NDEL1: variants seen among roughly 807,000 people sequenced by gnomAD.
The protein encoded by NDEL1 is nudE neurodevelopment protein 1 like 1.
NDEL1 carries 9 observed loss-of-function variants against 45.7 expected under a neutral mutation model. The ratio of observed to expected loss-of-function variants is 0.20; its 90% CI spans 0.12 to 0.34. The LOEUF (loss-of-function observed/expected upper bound fraction) is 0.34. Ranked by LOEUF, NDEL1 falls within the 10% of genes least tolerant of loss-of-function variation. The pLI is 1.00. For missense variants in NDEL1, 306 were observed against 406.2 expected (o/e 0.75, Z 2.12); for synonymous variants, 133 against 158.6 (o/e 0.84, Z 1.21).
intron 1 of NDEL1, among the ~76,000 whole-genome samples, chr17:8,429,206 A>G (rs1206903528): frequency 6.6e-6 from 1 of 152,110 alleles, no homozygotes; most frequent in South Asian, 2.1e-4. Flanking sequence ...GATTTGGGGT[A>G]TTTTCCAGAA....
intron 1 of NDEL1, 76 bp downstream of exon 1, chr17:8,436,121 C>T: frequency 6.8e-6 from 2 of 292,086 alleles, no homozygotes; most frequent in South Asian, 5.0e-5. Context: ...CTTGGGGAGC[C>T]TTCCCGGCCC....
At position 8,467,152 on chromosome 17, in the gene NDEL1, C is replaced by T. The variant is rs760292046; in HGVS notation, c.*129C>T. 43 of 879,376 alleles carry T rather than the reference C, an allele frequency of 4.9e-5. No individual in the cohort carries two copies. The highest frequency in any genetic ancestry group is 3.0e-4 in the African/African-American group (18 of 59,774). The allele number at this position is 879,376 out of a possible 1,614,324, so 54.5% of individuals were successfully genotyped here. ...CTCCGCACGGCTGGCAGAGGGCAGG[C>T]TGCATGCAGTGGCGGCTACTGGGCC... On this transcript the variant is annotated 3_prime_UTR_variant, in exon 9 of 9. Coordinates refer to ENST00000334527, the MANE Select transcript of NDEL1 (RefSeq NM_030808.5). This position sits in a 1 kb window ranked among gnomAD's most constrained non-coding sequence, Gnocchi z 6.3.
intron 7 of NDEL1, among the ~76,000 whole-genome samples, chr17:8,457,413 G>A (rs577145194): frequency 6.6e-6 from 1 of 152,132 alleles, no homozygotes; most frequent in East Asian, 1.9e-4. Flanking sequence ...GTTTAATTTG[G>A]CATCCTTGTA....
At chr17:8,452,731 TTTTCTTCTC>T (rs1420552826) in intron 6 of NDEL1, among the ~76,000 whole-genome samples, 2 of 103,328 alleles carry the variant, frequency 1.9e-5, no homozygotes, top group Non-Finnish European at 3.8e-5. Context: ...TTTCTTTTCT[TTTTCTTCTC>T]TTTTTTTTTT....
downstream of NDEL1, among the ~76,000 whole-genome samples, chr17:8,469,861 ATTT>A (rs762773754): frequency 1.6e-5 from 2 of 128,652 alleles, no homozygotes; most frequent in African/African-American, 6.0e-5. Flanking sequence ...TGCCTGGCTA[ATTT>A]TTTTTTTTTT....
At chr17:8,421,246 G>C (rs1908698143) in intron 1 of NDEL1, among the ~76,000 whole-genome samples, 1 of 152,074 alleles carries the variant, frequency 6.6e-6, no homozygotes, top group Non-Finnish European at 1.5e-5. Flanking sequence ...ATCAGAAAGG[G>C]GTAGGCAGAA....
At chr17:8,473,055 C>A (rs1175519724), downstream of NDEL1, among the ~76,000 whole-genome samples, 1 of 152,162 alleles carries the variant, frequency 6.6e-6, no homozygotes, top group Non-Finnish European at 1.5e-5. Context: ...AAGAAGGGAC[C>A]CTTTTAGTTA....
At chr17:8,458,747 G>A (rs917831104) in intron 7 of NDEL1, among the ~76,000 whole-genome samples, 1 of 151,942 alleles carries the variant, frequency 6.6e-6, no homozygotes, top group Non-Finnish European at 1.5e-5. Context: ...TTTTTTTTGA[G>A]ACAGAGTCTC....
chr17:8,456,449 T>TC (rs1910848924), intron 7 of NDEL1, among the ~76,000 whole-genome samples: 1 of 151,996 alleles, frequency 6.6e-6, no homozygotes, highest in African/African-American at 2.4e-5. Flanking sequence ...AAAAATTACT[T>TC]TAACATTCTT....
At chr17:8,438,044 C>T (rs545283612) in intron 1 of NDEL1, among the ~76,000 whole-genome samples, 133 of 152,108 alleles carry the variant, frequency 8.7e-4, no homozygotes, top group Admixed American at 2.4e-3. Context: ...CTGCAACCTC[C>T]ACCTCCTGGA....
At chr17:8,468,911 G>A (rs1344135385), downstream of NDEL1, among the ~76,000 whole-genome samples, 1 of 152,176 alleles carries the variant, frequency 6.6e-6, no homozygotes, top group Non-Finnish European at 1.5e-5. Flanking sequence ...GGCTGAGGCA[G>A]GAGAATCGCT....
intron 8 of NDEL1, chr17:8,466,658 A>T: frequency 2.2e-6 from 1 of 451,024 alleles, no homozygotes; most frequent in South Asian, 3.4e-5. Context: ...GACCTGCTTT[A>T]TGGGGAAAGA....
chr17:8,414,390 G>A (rs558614584), intron 1 of NDEL1, among the ~76,000 whole-genome samples: 94 of 152,248 alleles, frequency 6.2e-4, no homozygotes, highest in African/African-American at 2.2e-3. Context: ...TACCATGGCC[G>A]GGCGCGGTGG....
At chr17:8,462,078 G>A (rs1396953736) in intron 8 of NDEL1, among the ~76,000 whole-genome samples, 1 of 151,830 alleles carries the variant, frequency 6.6e-6, no homozygotes, top group Admixed American at 6.6e-5. Context: ...GTGAGCTGAA[G>A]CCAGGAACAG....
chr17:8,428,864 G>C (rs542579025), intron 1 of NDEL1, among the ~76,000 whole-genome samples: 7 of 151,074 alleles, frequency 4.6e-5, no homozygotes, highest in East Asian at 3.9e-4. Context: ...TAGTAGAGAC[G>C]GGGTTTCACC....
chr17:8,442,671 G>A (rs547247871), intron 1 of NDEL1, among the ~76,000 whole-genome samples: 14 of 140,794 alleles, frequency 9.9e-5, no homozygotes, highest in African/African-American at 3.5e-4. Context: ...AGATTTAACC[G>A]TTCATTCCTT....
chr17:8,437,859 C>T (rs934893654), intron 1 of NDEL1, among the ~76,000 whole-genome samples: 1 of 142,130 alleles, frequency 7.0e-6, no homozygotes, highest in Non-Finnish European at 1.5e-5. Flanking sequence ...AGGTCATACA[C>T]AGTATGATAA....
At chr17:8,427,102 A>G in intron 1 of NDEL1, among the ~76,000 whole-genome samples, 1 of 152,234 alleles carries the variant, frequency 6.6e-6, no homozygotes, top group East Asian at 1.9e-4. Flanking sequence ...ACTGCATAGC[A>G]AATTCATCTC....
Position 8,450,835 on chromosome 17 carries a change from G to A in NDEL1, c.582G>A (p.Ser194=), listed in dbSNP as rs2151724787. 13 of 1,612,030 alleles carry A rather than the reference G, an allele frequency of 8.1e-6. No individual in the cohort carries two copies. Among genetic ancestry groups the A allele is most frequent in the South Asian group, 2.2e-5 (2 of 90,630 alleles). Residue 194 remains serine (S), a synonymous_variant, in exon 6 of 9, where the codon TCG becomes TCA. Transcript: ENST00000334527. ...RERQQEVTRK[S]APSSPTLDCE... The stretch of plus-strand genomic sequence containing the variant: ...GACAACAGGAAGTAACTAGAAAGTC[G>A]GCTCCTAGCTCTCCAACTCTAGACT...
Sources: allele counts gnomAD v4.1 joint callset (sites outside exome capture counted in the v4.1 genomes callset), GRCh38; gene constraint gnomAD v4.1.1; non-coding constraint Gnocchi (gnomAD v3.1); transcripts MANE v1.5; gene names NCBI Gene and HGNC (gene_info 2026-07-23, HGNC 2026-07-21).